Variants in CACNA1C observed in about 807,000 individuals in gnomAD.
CACNA1C encodes the protein voltage-dependent L-type calcium channel subunit alpha-1C.
CACNA1C carries 30 observed loss-of-function variants against 229.0 expected under a neutral mutation model. The ratio of observed to expected loss-of-function variants is 0.13; its 90% CI spans 0.10 to 0.18. The LOEUF (loss-of-function observed/expected upper bound fraction) is 0.18. Ranked by LOEUF, CACNA1C falls within the 10% of genes least tolerant of loss-of-function variation. The probability of loss-of-function intolerance (pLI) is 1.00; values close to 1 mark genes in which losing one functional copy is unlikely to be tolerated. For synonymous variants in CACNA1C, 1,114 were observed against 1,132.5 expected, an observed-to-expected ratio of 0.98 and a Z score of 0.33; for missense variants, 1,658 against 2,845.0, an observed-to-expected ratio of 0.58 and a Z score of 9.49.
chr12:2,031,476 T>G (rs1343117160), intron 1 of CACNA1C, among the ~76,000 whole-genome samples: 1 of 152,238 alleles, frequency 6.6e-6, no homozygotes, highest in Non-Finnish European at 1.5e-5. Flanking sequence ...CTGTCTCCTC[T>G]GCTGCATTCC....
intron 9 of CACNA1C, among the ~76,000 whole-genome samples, chr12:2,540,940 G>A (rs1301610789): frequency 6.6e-6 from 1 of 152,184 alleles, no homozygotes; most frequent in Non-Finnish European, 1.5e-5. Flanking sequence ...TGAGATCAAG[G>A]TGCTGGCGGG....
At position 1,977,352 on chromosome 12, in the gene CACNA1C, A is replaced by G. The variant is rs2034730484; in HGVS notation, c.139+6151A>G. Among the ~76,000 whole-genome samples, 3 of 152,172 alleles carry G rather than the reference A, an allele frequency of 2.0e-5. No individual in the cohort carries two copies. The South Asian group carries it at 6.2e-4, about 31-fold the overall frequency. ...GTGTCATTCTCCGTCTCTACCATGAAGTGGGAAACAGGAAGACATTTTGGA... is the reference window on the plus strand; with the variant it reads ...GTGTCATTCTCCGTCTCTACCATGAGGTGGGAAACAGGAAGACATTTTGGA... On this transcript the variant is annotated intron_variant, in intron 1 of 46. Transcript: ENST00000682462.
chr12:2,415,138 G>A (rs140575108), intron 3 of CACNA1C, among the ~76,000 whole-genome samples: 19 of 152,324 alleles, frequency 1.2e-4, no homozygotes, highest in Admixed American at 3.3e-4. Flanking sequence ...GGGGGCTCAC[G>A]CAGAGGATCC....
At position 2,649,570 on chromosome 12, in the gene CACNA1C, A is replaced by G. The variant is rs780369507; in HGVS notation, c.3945+1063A>G. ...GAGCAAATTGGTGCATCCGAATGGC[A>G]GTGAGTTTATTCTCCTTCTCGAGCA... On this transcript the variant is annotated intron_variant, in intron 31 of 46. Coordinates refer to ENST00000399655, the MANE Select transcript of CACNA1C (RefSeq NM_000719.7). The surrounding 1 kb of genome is among the most constrained non-coding windows in gnomAD (Gnocchi z 4.4). 3.9e-5 allele frequency among the ~76,000 whole-genome samples: 6 copies of G among 152,198 alleles called. No individual in the cohort carries two copies. Among genetic ancestry groups the G allele is most frequent in the Non-Finnish European group, 8.8e-5 (6 of 68,034 alleles).
At chr12:2,360,165 C>CA (rs2049691358) in intron 3 of CACNA1C, among the ~76,000 whole-genome samples, 1 of 104,792 alleles carries the variant, frequency 9.5e-6, no homozygotes, top group East Asian at 3.5e-4. Flanking sequence ...CACCCCCCCC[C>CA]ACCCCCCCAC....
In CACNA1C at chr12:2,053,501, G is replaced by A. The variant is rs977278280; in HGVS notation, c.-62G>A. 9.7e-6 allele frequency: 15 copies of A among 1,542,510 alleles called. No individual in the cohort carries two copies. The African/African-American group carries it at 1.1e-4, about 11-fold the overall frequency. ...GGAGGGATTAATCCAGACCCGCCGG[G>A]GGGTGTTTTCACATTTCTTCCTCTT... On this transcript the variant is annotated 5_prime_UTR_variant, in exon 1 of 47. Coordinates refer to ENST00000399655, the MANE Select transcript of CACNA1C (RefSeq NM_000719.7). The surrounding 1 kb of genome is among the most constrained non-coding windows in gnomAD (Gnocchi z 5.8).
upstream of CACNA1C, among the ~76,000 whole-genome samples, chr12:2,052,634 G>C (rs928178698): frequency 8.3e-5 from 12 of 144,276 alleles, no homozygotes; most frequent in Non-Finnish European, 1.4e-4. Context: ...CGGCCACCGC[G>C]GCTGGCGCCC....
At chr12:2,623,502 G>A (rs367757692) in intron 29 of CACNA1C, among the ~76,000 whole-genome samples, 249 of 152,178 alleles carry the variant, frequency 1.6e-3, no homozygotes, top group African/African-American at 2.4e-3. Flanking sequence ...GCTGCCTCCC[G>A]AGATCAGCCT....
intron 1 of CACNA1C, among the ~76,000 whole-genome samples, chr12:1,997,434 C>G (rs572206355): frequency 6.6e-6 from 1 of 152,336 alleles, no homozygotes; most frequent in Non-Finnish European, 1.5e-5. Flanking sequence ...GCAGGAGAAT[C>G]ACTTGAACTC....
rs570610455 is a variant in CACNA1C, at chr12:2,649,796, T to C, written c.3945+1289T>C. Among the ~76,000 whole-genome samples, 2 of 152,230 alleles carry C rather than the reference T, an allele frequency of 1.3e-5. No homozygotes were observed. Among genetic ancestry groups the C allele is most frequent in the African/African-American group, 4.8e-5 (2 of 41,502 alleles). On this transcript the variant is annotated intron_variant, in intron 31 of 46. Coordinates refer to ENST00000399655, the MANE Select transcript of CACNA1C (RefSeq NM_000719.7). This position sits in a 1 kb window ranked among gnomAD's most constrained non-coding sequence, Gnocchi z 4.4. ...AAAGTTCTCCACTTAAGCTTGTTCT[T>C]TTTTTTCTCCTTTCTCGAACACGGT...
chr12:2,563,012 C>T (rs1340035456), intron 11 of CACNA1C, among the ~76,000 whole-genome samples: 1 of 151,998 alleles, frequency 6.6e-6, no homozygotes, highest in Non-Finnish European at 1.5e-5. Flanking sequence ...TATATTTTTT[C>T]ACCTATTTAC....
intron 3 of CACNA1C, among the ~76,000 whole-genome samples, chr12:2,153,704 C>T (rs116903747): frequency 3.7e-4 from 56 of 152,258 alleles, no homozygotes; most frequent in Non-Finnish European, 5.7e-4. Context: ...TTGTCCTCTG[C>T]GTGGGGTGGG....
chr12:2,288,779 A>G (rs1304476831), intron 3 of CACNA1C: 1 of 152,212 alleles, frequency 6.6e-6, no homozygotes, highest in Admixed American at 6.5e-5. Context: ...GCCCCAGTCA[A>G]TGGATCCTGC....
intron 10 of CACNA1C, among the ~76,000 whole-genome samples, chr12:2,551,307 T>C (rs1440805270): frequency 6.6e-6 from 1 of 152,162 alleles, no homozygotes; most frequent in Non-Finnish European, 1.5e-5. Flanking sequence ...AGCATGAGGC[T>C]CTGTTAGGAA....
chr12:2,385,184 T>C (rs2154546735), intron 3 of CACNA1C, among the ~76,000 whole-genome samples: 1 of 152,274 alleles, frequency 6.6e-6, no homozygotes, highest in African/African-American at 2.4e-5. Context: ...CAAATGCCAG[T>C]GTGATGGAAT....
chr12:2,146,164 G>C (rs2094685060), intron 3 of CACNA1C, among the ~76,000 whole-genome samples: 1 of 151,062 alleles, frequency 6.6e-6, no homozygotes, highest in Admixed American at 6.7e-5. Context: ...GTTTAGATTG[G>C]GGCAAGGAAA....
chr12:2,484,809 T>C (rs141415071), intron 5 of CACNA1C, among the ~76,000 whole-genome samples: 46 of 151,290 alleles, frequency 3.0e-4, no homozygotes, highest in African/African-American at 1.1e-3. Flanking sequence ...ACTTGCTAAT[T>C]AATGGAATCA....
chr12:2,343,793 A>G (rs749618512), intron 3 of CACNA1C, among the ~76,000 whole-genome samples: 3 of 152,238 alleles, frequency 2.0e-5, no homozygotes, highest in Non-Finnish European at 4.4e-5. Flanking sequence ...TGTGGCCGCT[A>G]GCTGCAGAAA....
chr12:2,033,649 A>G (rs1486229215), intron 1 of CACNA1C, among the ~76,000 whole-genome samples: 1 of 152,156 alleles, frequency 6.6e-6, no homozygotes, highest in Non-Finnish European at 1.5e-5. Flanking sequence ...CAACACAACA[A>G]CAACAACAAA....
Sources: gnomAD v4.1 joint callset for allele counts (sites outside exome capture counted in the v4.1 genomes callset) on GRCh38, gnomAD v4.1.1 for gene constraint, Gnocchi (gnomAD v3.1) non-coding constraint, MANE v1.5 for transcripts, NCBI Gene and HGNC (gene_info 2026-07-23, HGNC 2026-07-21) for gene names.